The following XKR9 variants were observed in gnomAD, a reference collection of about 807,000 sequenced individuals.
The protein encoded by XKR9 is XK related 9.
Under a neutral mutation model 32.0 loss-of-function variants are expected in XKR9, and 32 were observed. The observed-to-expected ratio is 1.00, with a 90% CI of 0.76 to 1.34. The LOEUF is 1.34. XKR9 is among the 40% of genes most tolerant of loss of function. The pLI, the probability that XKR9 is intolerant of heterozygous loss-of-function variation, is 0.00. For missense variants in XKR9, 546 were observed against 429.7 expected, an observed-to-expected ratio of 1.27 and a Z score of -2.39; for synonymous variants, 168 against 143.4, an observed-to-expected ratio of 1.17 and a Z score of -1.22.
At chr8:70,691,898 T>C (rs745384850) in intron 3 of XKR9, among the ~76,000 whole-genome samples, 121 of 152,346 alleles carry the variant, frequency 7.9e-4, no homozygotes, top group Non-Finnish European at 1.4e-3. Flanking sequence ...CTATTTGGGC[T>C]CTTTTTTTGG....
the XKR9 span, among the ~76,000 whole-genome samples, chr8:71,030,287 C>T: frequency 1.3e-5 from 2 of 152,084 alleles, no homozygotes; most frequent in Non-Finnish European, 2.9e-5. Flanking sequence ...CTAATAATCT[C>T]TTAGTTATAT....
chr8:70,762,793 C>T (rs1563472345), intron 2 of XKR9, among the ~76,000 whole-genome samples: 1 of 152,130 alleles, frequency 6.6e-6, no homozygotes, highest in Admixed American at 6.5e-5. Context: ...ATTTAAGGGA[C>T]CCTTGTAGTT....
At chr8:70,693,569 G>C (rs1299173381) in intron 3 of XKR9, among the ~76,000 whole-genome samples, 1 of 152,174 alleles carries the variant, frequency 6.6e-6, no homozygotes, top group South Asian at 2.1e-4. Flanking sequence ...CCTTCTCCAG[G>C]TTAGAGGCAG....
chr8:70,966,016 A>T, the XKR9 span, among the ~76,000 whole-genome samples: 4 of 152,124 alleles, frequency 2.6e-5, no homozygotes, highest in South Asian at 8.3e-4. Flanking sequence ...TAGGTTGCTG[A>T]TTTGAGATAT....
the XKR9 span, among the ~76,000 whole-genome samples, chr8:70,879,860 G>A: frequency 6.6e-6 from 1 of 152,144 alleles, no homozygotes; most frequent in Non-Finnish European, 1.5e-5. Context: ...GATGAACGTT[G>A]ATGCGAAAAT....
chr8:70,889,577 A>T, the XKR9 span, among the ~76,000 whole-genome samples: 4 of 151,872 alleles, frequency 2.6e-5, no homozygotes, highest in African/African-American at 9.6e-5. Flanking sequence ...AGTAGTCCCC[A>T]GTGTCTATGG....
At chr8:70,916,210 A>G in the XKR9 span, among the ~76,000 whole-genome samples, 1 of 152,220 alleles carries the variant, frequency 6.6e-6, no homozygotes, top group African/African-American at 2.4e-5. Flanking sequence ...AAGCTTCTGC[A>G]TTCCACTGGG....
In XKR9 at chr8:70,698,998, G is replaced by T. The variant is rs180744827; in HGVS notation, c.273-7935G>T. ...TTAAAGTCTCTTTTATCAGAGACTA[G>T]GATTGCAACCCCTGCCTTTTTTGTT... On this transcript the variant is annotated intron_variant, in intron 3 of 4. Coordinates refer to ENST00000408926, the MANE Select transcript of XKR9 (RefSeq NM_001011720.2). Among the ~76,000 whole-genome samples, 1,482 of 152,076 alleles carry T rather than the reference G, an allele frequency of 9.7e-3. 23 individuals carry two copies. The highest frequency in any genetic ancestry group is 0.034 in the African/African-American group (1,408 of 41,486).
intron 4 of XKR9, 100 bp downstream of exon 4, chr8:70,707,253 A>G: frequency 1.2e-6 from 1 of 835,374 alleles, no homozygotes; most frequent in Non-Finnish European, 1.8e-6. Context: ...AATACTTTAA[A>G]AATTATTTAT....
chr8:70,744,137 C>A (rs1194083042), intron 2 of XKR9, among the ~76,000 whole-genome samples: 2 of 151,768 alleles, frequency 1.3e-5, no homozygotes, highest in African/African-American at 2.4e-5. Context: ...ATGATGAAAC[C>A]CCATCTCTAC....
chr8:70,771,565 G>A (rs1807453847), intron 2 of XKR9, among the ~76,000 whole-genome samples: 1 of 152,206 alleles, frequency 6.6e-6, no homozygotes, highest in Non-Finnish European at 1.5e-5. Flanking sequence ...GGACAGGCCT[G>A]TTAATATACT....
chr8:70,771,619 T>A (rs1021131518), intron 2 of XKR9, among the ~76,000 whole-genome samples: 3 of 152,196 alleles, frequency 2.0e-5, no homozygotes, highest in African/African-American at 7.2e-5. Context: ...AAGTGACTGT[T>A]TTAGTCATTC....
the XKR9 span, among the ~76,000 whole-genome samples, chr8:70,996,767 T>C: frequency 6.6e-6 from 1 of 152,198 alleles, no homozygotes. Flanking sequence ...TCTACCCTTC[T>C]ACCCTGAAGC....
At chr8:70,929,121 C>T in the XKR9 span, among the ~76,000 whole-genome samples, 5 of 152,266 alleles carry the variant, frequency 3.3e-5, 1 homozygote, top group East Asian at 5.8e-4. Flanking sequence ...GAGGAATAGT[C>T]ATCTGGGCCA....
the XKR9 span, among the ~76,000 whole-genome samples, chr8:71,062,920 G>T: frequency 6.6e-6 from 1 of 151,780 alleles, no homozygotes; most frequent in East Asian, 1.9e-4. Flanking sequence ...TTTGTCTCCG[G>T]CCCCTCTGTA....
intron 4 of XKR9, among the ~76,000 whole-genome samples, chr8:70,729,554 G>C (rs888264593): frequency 1.3e-5 from 2 of 152,134 alleles, no homozygotes; most frequent in South Asian, 2.1e-4. Flanking sequence ...ACCTGTCAAA[G>C]TTTTGTAGCT....
At chr8:70,963,075 A>G in the XKR9 span, among the ~76,000 whole-genome samples, 1 of 152,180 alleles carries the variant, frequency 6.6e-6, no homozygotes, top group Non-Finnish European at 1.5e-5. Context: ...CCCATCACCC[A>G]GGTATTAAAC....
Position 70,734,182 on chromosome 8 carries a change from AG to A in XKR9, c.883del (p.Val295TyrfsTer8), listed in dbSNP as rs1157320617. On this transcript the variant is annotated frameshift_variant, in exon 5 of 5. Transcript: ENST00000408926. LOFTEE classifies it high-confidence loss of function. The part of the protein sequence containing the change: ...KCPMSCYYIV[R>X]VLGTLGILTV... ...TCCAATGTCTTGTTATTATATTGTT[AG>A]GGTACTGGGCACTTTGGGGATATTG... The A allele has an allele frequency of 1.9e-6, 3 of 1,613,416 alleles. No individual in the cohort carries two copies. Among genetic ancestry groups the A allele is most frequent in the Non-Finnish European group, 2.5e-6 (3 of 1,179,620 alleles).
At chr8:70,937,342 A>G in the XKR9 span, among the ~76,000 whole-genome samples, 32 of 152,186 alleles carry the variant, frequency 2.1e-4, no homozygotes, top group African/African-American at 7.5e-4. Context: ...ATGATTTAAC[A>G]CATGATTTAA....
Sources: gnomAD v4.1 joint callset for allele counts (sites outside exome capture counted in the v4.1 genomes callset) on GRCh38, gnomAD v4.1.1 for gene constraint, MANE v1.5 for transcripts, NCBI Gene and HGNC (gene_info 2026-07-23, HGNC 2026-07-21) for gene names.